NEK4: variants seen among roughly 807,000 people sequenced by gnomAD.
NEK4 encodes the protein NIMA related kinase 4, also known as serine/threonine-protein kinase Nek4.
In NEK4, 86 loss-of-function variants were observed where a neutral mutation model predicts 98.4. The observed-to-expected ratio is 0.87, with a 90% CI of 0.73 to 1.05. NEK4 has a LOEUF of 1.05. Among genes scored for constraint, NEK4 ranks in the 50% least tolerant of loss-of-function variants. The probability of loss-of-function intolerance (pLI) is 0.00; values close to 1 mark genes in which losing one functional copy is unlikely to be tolerated. For missense variants in NEK4, 898 were observed against 950.3 expected (o/e 0.94, Z 0.72); for synonymous variants, 328 against 342.2 (o/e 0.96, Z 0.46).
chr3:52,726,010 A>C (rs2097364179), intron 15 of NEK4, among the ~76,000 whole-genome samples: 1 of 152,158 alleles, frequency 6.6e-6, no homozygotes, highest in Non-Finnish European at 1.5e-5. Flanking sequence ...ATTGCAATTA[A>C]AAATTTTGAA....
intron 15 of NEK4, among the ~76,000 whole-genome samples, chr3:52,722,157 G>T (rs904378933): frequency 3.3e-5 from 5 of 152,152 alleles, no homozygotes; most frequent in Admixed American, 2.0e-4. Flanking sequence ...CATATTAGGG[G>T]GACTTCCCCA....
chr3:52,758,968 T>C (rs925706652), intron 6 of NEK4, among the ~76,000 whole-genome samples: 12 of 151,832 alleles, frequency 7.9e-5, no homozygotes, highest in Non-Finnish European at 1.6e-4. Flanking sequence ...CGTGCACCTG[T>C]AGACACAGCT....
chr3:52,747,302 A>G, intron 8 of NEK4: 1 of 183,448 alleles, frequency 5.5e-6, no homozygotes, highest in South Asian at 9.7e-5. Flanking sequence ...CAAAAATACA[A>G]AAATTAGCTG....
chr3:52,743,711 G>A (rs1163091769), intron 11 of NEK4, among the ~76,000 whole-genome samples: 1 of 152,170 alleles, frequency 6.6e-6, no homozygotes, highest in Non-Finnish European at 1.5e-5. Flanking sequence ...TGAGGATAAT[G>A]CTGCATATTT....
rs138000848 is a variant in NEK4, at chr3:52,737,656, C to A, written c.2363G>T (p.Arg788Leu). 2 of 1,613,736 alleles carry A rather than the reference C, an allele frequency of 1.2e-6. No individual in the cohort carries two copies. Among genetic ancestry groups the A allele is most frequent in the Non-Finnish European group, 1.7e-6 (2 of 1,179,794 alleles). The change falls in exon 15 of 16, where the codon CGT (arginine) becomes CTT (leucine). Residue 788 changes from arginine to leucine, a missense_variant. Transcript: ENST00000233027. The part of the protein sequence containing the change: ...LVEVLRTDVI[R>L]GLGVQLLEQV... ...CTCTAAAAGCTGAACTCCCAGGCCA[C>A]GAATTACATCAGTTCTCAAGACTTC...
At chr3:52,766,527 C>T (rs1698566103) in intron 2 of NEK4, 152 bp from the exon 3 acceptor site, 1 of 619,252 alleles carries the variant, frequency 1.6e-6, no homozygotes, top group Non-Finnish European at 2.8e-6. Flanking sequence ...CAAGCAAATA[C>T]CTACCAAACA....
At chr3:52,743,541 T>C (rs2097390439) in intron 11 of NEK4, 80 bp from the exon 12 acceptor site, 4 of 1,080,618 alleles carry the variant, frequency 3.7e-6, no homozygotes, top group Middle Eastern at 2.7e-4. Flanking sequence ...GTATGGAACA[T>C]ACCCCAGCAG....
At chr3:52,748,013 G>A (rs1020110278) in intron 8 of NEK4, among the ~76,000 whole-genome samples, 3 of 151,956 alleles carry the variant, frequency 2.0e-5, no homozygotes, top group African/African-American at 7.2e-5. Context: ...AGGCTGGAGT[G>A]CAATGGCGCG....
Position 52,736,352 on chromosome 3 carries a change from C to A in NEK4, c.2433+1234G>T, listed in dbSNP as rs569864133. On this transcript the variant is annotated intron_variant, in intron 15 of 15. Transcript: ENST00000233027. ...CTGTAATCCCAGCACTTTGGGAGGC[C>A]GAGGTGGGCAGATCATGAGGTCAGG... 1.6e-4 allele frequency among the ~76,000 whole-genome samples: 25 copies of A among 152,170 alleles called. No homozygotes were observed. The East Asian group carries it at 4.2e-3, about 26-fold the overall frequency.
chr3:52,744,638 C>G (rs1021949065), intron 10 of NEK4, among the ~76,000 whole-genome samples: 4 of 146,464 alleles, frequency 2.7e-5, no homozygotes, highest in Non-Finnish European at 6.0e-5. Flanking sequence ...GAGCTGAGAT[C>G]GCGCCATTGC....
At position 52,746,788 on chromosome 3, in the gene NEK4, TCTC is replaced by T. The variant is rs1187367558; in HGVS notation, c.1620_1622del (p.Arg541del). On this transcript the variant is annotated inframe_deletion, in exon 9 of 16. Transcript: ENST00000233027. ...TTTCCCCTCTGTGCTCAGTCTGTTC[TCTC>T]CTCTTTTGCCGTCGCTGTCGAGACA... The T allele has an allele frequency of 1.9e-6, 3 of 1,614,026 alleles. No individual in the cohort carries two copies. Among genetic ancestry groups the T allele is most frequent in the African/African-American group, 1.3e-5 (1 of 74,918 alleles).
intron 15 of NEK4, among the ~76,000 whole-genome samples, chr3:52,718,518 TCTC>T (rs2097357252): frequency 6.6e-6 from 1 of 151,790 alleles, no homozygotes; most frequent in South Asian, 2.1e-4. Flanking sequence ...CCTTTTACCT[TCTC>T]TTCATCAGAC....
intron 6 of NEK4, among the ~76,000 whole-genome samples, chr3:52,756,604 CAAAAT>C (rs1559444291): frequency 6.6e-6 from 1 of 151,984 alleles, no homozygotes; most frequent in African/African-American, 2.4e-5. Context: ...AAAATTAACT[CAAAAT>C]GAACAAAAAA....
chr3:52,746,005 GAT>G, intron 10 of NEK4, 54 bp downstream of exon 10: 1 of 1,529,374 alleles, frequency 6.5e-7, no homozygotes, highest in Non-Finnish European at 9.0e-7. Context: ...TTACATGCAT[GAT>G]ACACCACGTC....
rs1460552666 is a variant in NEK4 at position 52,710,681 on chromosome 3, G to C, written c.*1096C>G. The C allele has an allele frequency of 6.6e-6, 1 of 152,054 alleles. No individual in the cohort carries two copies. The highest frequency in any genetic ancestry group is 2.4e-5 in the African/African-American group (1 of 41,410). 9.4% of individuals were successfully genotyped at this position (152,054 alleles called of 1,614,324 possible). On this transcript the variant is annotated 3_prime_UTR_variant, in exon 16 of 16. Coordinates refer to ENST00000233027, the MANE Select transcript of NEK4 (RefSeq NM_003157.6). Reference sequence around the variant, plus strand: ...GGAGGCTCAGGCAGGAATACCACTTGAGCCCCAGAAGTGGAGGTTGCAGTG... The same window carrying C: ...GGAGGCTCAGGCAGGAATACCACTTCAGCCCCAGAAGTGGAGGTTGCAGTG...
At position 52,749,710 on chromosome 3, in the gene NEK4, G is replaced by A. The variant is rs1198502004; in HGVS notation, c.1488C>T (p.Gly496=). 14 of 246,256 alleles carry A rather than the reference G, an allele frequency of 5.7e-5. No individual in the cohort carries two copies. The highest frequency in any genetic ancestry group is 1.1e-4 in the South Asian group (3 of 27,142). The allele number at this position is 246,256 out of a possible 1,614,324, so 15.3% of individuals were successfully genotyped here. A position where few individuals can be genotyped will look rare whatever the true frequency, so the allele number is the denominator to read the frequency against. Residue 496 remains glycine, a synonymous_variant, in exon 8 of 16, where the codon GGC becomes GGT. Transcript: ENST00000233027. The part of the protein sequence containing the change: ...ASASRVAGIT[G]VCHHAQDQVA... ...AAATTACCTGGGCGTGGTGGCACACGCCTGTAATCCCAGCTACTCGGGAGG... is the reference window on the plus strand; with the variant it reads ...AAATTACCTGGGCGTGGTGGCACACACCTGTAATCCCAGCTACTCGGGAGG...
chr3:52,752,900 CAA>C (rs71087016), intron 6 of NEK4, among the ~76,000 whole-genome samples: 14 of 49,942 alleles, frequency 2.8e-4, no homozygotes, highest in African/African-American at 6.4e-4. Flanking sequence ...AACCCTGCCT[CAA>C]AAAAAAAAAA....
intron 6 of NEK4, chr3:52,754,659 T>A: frequency 1.5e-6 from 1 of 651,274 alleles, no homozygotes; most frequent in South Asian, 1.4e-5. Context: ...CTCAGTACAA[T>A]CTTTCAGTAA....
chr3:52,741,050 C>A (rs112635630), intron 13 of NEK4, among the ~76,000 whole-genome samples: 1 of 151,374 alleles, frequency 6.6e-6, no homozygotes, highest in African/African-American at 2.4e-5. Flanking sequence ...CTGGCTAACA[C>A]GGTGAAACGC....
Sources: gnomAD v4.1 joint callset for allele counts (sites outside exome capture counted in the v4.1 genomes callset) on GRCh38, gnomAD v4.1.1 for gene constraint, MANE v1.5 for transcripts, NCBI Gene and HGNC (gene_info 2026-07-23, HGNC 2026-07-21) for gene names.